Variants in CNTN3 observed in about 807,000 individuals in gnomAD.
The protein encoded by CNTN3 is contactin 3.
CNTN3 carries 60 observed loss-of-function variants against 119.1 expected under a neutral mutation model. The observed-to-expected ratio is 0.50, with a 90% CI of 0.41 to 0.62. The LOEUF is 0.62. CNTN3 is among the 20% of genes least tolerant of loss of function. The pLI is 0.00. For synonymous variants in CNTN3, 450 were observed against 438.7 expected (o/e 1.03, Z -0.32); for missense variants, 1,101 against 1,242.4 (o/e 0.89, Z 1.71).
chr3:74,353,535 T>C lies in CNTN3; in HGVS notation c.1364+8355A>G, dbSNP rs1321029477. ...ACTTTGGGAGGCCGAGACGGGTGGA[T>C]CACGAGGTCAGGAGATCGAGACCAT... On this transcript the variant is annotated intron_variant, in intron 11 of 22. Transcript: ENST00000263665. Among the ~76,000 whole-genome samples the C allele has an allele frequency of 2.0e-5, 3 of 152,250 alleles. No individual in the cohort carries two copies. The East Asian group carries it at 5.8e-4, about 30-fold the overall frequency.
intron 13 of CNTN3, among the ~76,000 whole-genome samples, chr3:74,332,781 A>T (rs1438405321): frequency 6.6e-6 from 1 of 152,248 alleles, no homozygotes; most frequent in African/African-American, 2.4e-5. Context: ...TATCTTCATT[A>T]TAATGGCAAA....
At chr3:74,297,033 G>T (rs1396007276) in intron 18 of CNTN3, among the ~76,000 whole-genome samples, 1 of 152,136 alleles carries the variant, frequency 6.6e-6, no homozygotes, top group Non-Finnish European at 1.5e-5. Flanking sequence ...GAAAGGCAAA[G>T]AAACAGAACG....
intron 4 of CNTN3, among the ~76,000 whole-genome samples, chr3:74,446,610 T>A (rs1702051774): frequency 6.6e-6 from 1 of 151,876 alleles, no homozygotes; most frequent in Non-Finnish European, 1.5e-5. Context: ...ATTCTGTGAA[T>A]AATTTTTATA....
intron 13 of CNTN3, among the ~76,000 whole-genome samples, chr3:74,310,871 C>T (rs1220583063): frequency 1.3e-5 from 2 of 152,154 alleles, no homozygotes; most frequent in African/African-American, 2.4e-5. Context: ...ATCCATTTTG[C>T]ACCTGCCATA....
chr3:74,532,602 T>C (rs988015375), intron 1 of CNTN3, among the ~76,000 whole-genome samples: 1 of 151,934 alleles, frequency 6.6e-6, no homozygotes, highest in Non-Finnish European at 1.5e-5. Context: ...GACTCACAGG[T>C]GGGGAGCGTC....
intron 13 of CNTN3, among the ~76,000 whole-genome samples, chr3:74,310,820 A>G (rs1275641759): frequency 1.3e-5 from 2 of 152,190 alleles, no homozygotes; most frequent in African/African-American, 4.8e-5. Flanking sequence ...ATATGTTGCT[A>G]CAGCCATCTT....
rs1020463116 is a variant in CNTN3 at position 74,263,515 on chromosome 3, T to A, written c.*886A>T. On this transcript the variant is annotated 3_prime_UTR_variant, in exon 23 of 23. Coordinates refer to ENST00000263665, the MANE Select transcript of CNTN3 (RefSeq NM_020872.3). ...GCTGTGAAGGAAACAATTCCTTTTTTAATTTAAAAAAACTTTTTTTTTTTG... is the reference window on the plus strand; with the variant it reads ...GCTGTGAAGGAAACAATTCCTTTTTAAATTTAAAAAAACTTTTTTTTTTTG... 3 of 152,068 alleles carry A rather than the reference T, an allele frequency of 2.0e-5. No individual in the cohort carries two copies. The highest frequency in any genetic ancestry group is 4.4e-5 in the Non-Finnish European group (3 of 68,008). 9.4% of individuals were successfully genotyped at this position (152,068 alleles called of 1,614,324 possible).
chr3:74,346,260 TAA>T (rs1460178430), intron 11 of CNTN3, among the ~76,000 whole-genome samples: 1 of 151,936 alleles, frequency 6.6e-6, no homozygotes, highest in Non-Finnish European at 1.5e-5. Flanking sequence ...TAAGAAAAAA[TAA>T]GTGTTTAAAA....
At chr3:74,537,137 G>A (rs1261799088) in intron 1 of CNTN3, among the ~76,000 whole-genome samples, 1 of 151,972 alleles carries the variant, frequency 6.6e-6, no homozygotes, top group East Asian at 1.9e-4. Flanking sequence ...ATAACAACAA[G>A]AAACTATTAA....
intron 20 of CNTN3, among the ~76,000 whole-genome samples, chr3:74,273,597 A>T (rs1701823928): frequency 6.6e-6 from 1 of 152,168 alleles, no homozygotes; most frequent in Admixed American, 6.5e-5. Flanking sequence ...CCTGGAGCTG[A>T]GAGCTGAGTC....
chr3:74,300,683 T>C (rs1290556812), intron 16 of CNTN3, among the ~76,000 whole-genome samples: 2 of 152,234 alleles, frequency 1.3e-5, no homozygotes, highest in Non-Finnish European at 2.9e-5. Context: ...ACATATTTGA[T>C]GACTTCCATC....
intron 3 of CNTN3, among the ~76,000 whole-genome samples, chr3:74,491,237 A>G (rs1702956980): frequency 6.6e-6 from 1 of 152,184 alleles, no homozygotes; most frequent in Non-Finnish European, 1.5e-5. Context: ...ACAGTGGCTC[A>G]TGCCTGTAAT....
chr3:74,558,035 C>G (rs1704097613), intron 1 of CNTN3, among the ~76,000 whole-genome samples: 2 of 152,292 alleles, frequency 1.3e-5, no homozygotes, highest in South Asian at 4.1e-4. Flanking sequence ...GCTGATGGCT[C>G]TCAGCTTAGT....
rs560793898 is a variant in CNTN3 at position 74,567,711 on chromosome 3, G to C, written c.-80-46519C>G. 5.3e-4 allele frequency among the ~76,000 whole-genome samples: 81 copies of C among 152,168 alleles called. 1 individual carries two copies. The highest frequency in any genetic ancestry group is 1.9e-3 in the African/African-American group (78 of 41,534). On this transcript the variant is annotated intron_variant, in intron 1 of 22. Coordinates refer to ENST00000263665, the MANE Select transcript of CNTN3 (RefSeq NM_020872.3). ...TGCTGACAGTCGATGATGCTTCTGG[G>C]TACCTGTTTTCAAGATGCTCAGAAT...
chr3:74,383,469 C>A (rs552258665), intron 5 of CNTN3, among the ~76,000 whole-genome samples: 2 of 152,058 alleles, frequency 1.3e-5, no homozygotes, highest in South Asian at 4.2e-4. Flanking sequence ...CAGGGCTATG[C>A]AGATCTCAGA....
chr3:74,594,607 C>T (rs1369897121), intron 1 of CNTN3, among the ~76,000 whole-genome samples: 1 of 152,092 alleles, frequency 6.6e-6, no homozygotes, highest in Non-Finnish European at 1.5e-5. Context: ...TCATCCATGT[C>T]CCTACAAAGG....
chr3:74,406,536 TGTG>T (rs940780466), intron 5 of CNTN3, among the ~76,000 whole-genome samples: 38 of 152,020 alleles, frequency 2.5e-4, no homozygotes, highest in Non-Finnish European at 5.0e-4. Flanking sequence ...CACTGAACTA[TGTG>T]TTTTTTTTTT....
chr3:74,360,758 C>T (rs1704056352), intron 11 of CNTN3, among the ~76,000 whole-genome samples: 1 of 152,108 alleles, frequency 6.6e-6, no homozygotes, highest in Non-Finnish European at 1.5e-5. Context: ...CTGGCCCCTT[C>T]CCTCATCTTC....
At chr3:74,418,982 C>T (rs13080279) in intron 5 of CNTN3, among the ~76,000 whole-genome samples, 6 of 150,192 alleles carry the variant, frequency 4.0e-5, no homozygotes, top group Non-Finnish European at 5.9e-5. Context: ...ATTTTAGTAG[C>T]GGGGCAGTTT....
Sources: allele counts gnomAD v4.1 joint callset (sites outside exome capture counted in the v4.1 genomes callset), GRCh38; gene constraint gnomAD v4.1.1; transcripts MANE v1.5; gene names NCBI Gene and HGNC (gene_info 2026-07-23, HGNC 2026-07-21).